Variants in ACAD10 observed in about 807,000 individuals in gnomAD.
ACAD10 encodes acyl-CoA dehydrogenase family member 10, also known as ACAD-10.
A neutral mutation model predicts 116.8 loss-of-function variants in ACAD10; 112 were observed. That is an observed-to-expected ratio of 0.96 (90% CI 0.82 to 1.12). The LOEUF is 1.12. Ranked by LOEUF, ACAD10 falls within the 50% of genes most tolerant of loss-of-function variation. The probability of loss-of-function intolerance (pLI) is 0.00; values close to 1 mark genes in which losing one functional copy is unlikely to be tolerated. For synonymous variants in ACAD10, 486 were observed against 510.6 expected (o/e 0.95, Z 0.65); for missense variants, 1,259 against 1,350.2 (o/e 0.93, Z 1.06).
At chr12:111,686,931 T>A (rs1373516292) in intron 1 of ACAD10, among the ~76,000 whole-genome samples, 1 of 152,218 alleles carries the variant, frequency 6.6e-6, no homozygotes, top group African/African-American at 2.4e-5. Context: ...CTTGAACTAG[T>A]ATAGTCATTG....
intron 19 of ACAD10, among the ~76,000 whole-genome samples, chr12:111,754,416 G>T (rs1890152149): frequency 6.6e-6 from 1 of 152,174 alleles, no homozygotes; most frequent in South Asian, 2.1e-4. Context: ...CTCCCAAGTA[G>T]CTGGGACTCC....
chr12:111,711,734 G>A (rs1266907519), intron 5 of ACAD10, among the ~76,000 whole-genome samples: 4 of 151,616 alleles, frequency 2.6e-5, no homozygotes, highest in Non-Finnish European at 5.9e-5. Context: ...GGATGATCTC[G>A]ATCTCCTGGC....
rs1889955203 is a variant in ACAD10 at position 111,747,737 on chromosome 12, C to T, written c.2485+352C>T. ...GGCTCCTCGATCAGGTGTGTTACAT[C>T]CTAAGGGCTAATGACAATCCTGACT... On this transcript the variant is annotated intron_variant, in intron 16 of 20. Coordinates refer to ENST00000313698, the MANE Select transcript of ACAD10 (RefSeq NM_025247.6). The T allele has an allele frequency of 1.0e-5, 11 of 1,101,344 alleles. No individual in the cohort carries two copies. In the South Asian group the frequency reaches 2.5e-4, roughly 25 times the overall value. 68.2% of individuals were successfully genotyped at this position (1,101,344 alleles called of 1,614,324 possible).
intron 20 of ACAD10, 141 bp from the exon 21 acceptor site, chr12:111,756,192 T>C (rs1364232420): frequency 7.0e-6 from 10 of 1,434,756 alleles, no homozygotes; most frequent in Non-Finnish European, 9.1e-6. Flanking sequence ...CTCTGGAATA[T>C]TAGTGATTGT....
At chr12:111,753,395 AGT>A (rs1452666054) in intron 18 of ACAD10, 4 of 431,732 alleles carry the variant, frequency 9.3e-6, no homozygotes, top group Non-Finnish European at 1.8e-5. Context: ...CAGTGCCTGC[AGT>A]CACTCCCTCA....
intron 12 of ACAD10, among the ~76,000 whole-genome samples, chr12:111,740,522 G>T (rs940616212): frequency 6.7e-6 from 1 of 148,388 alleles, no homozygotes; most frequent in African/African-American, 2.5e-5. Flanking sequence ...CACTTTGAGA[G>T]GCCGAGGCGG....
At chr12:111,719,865 C>A (rs1888967458) in intron 7 of ACAD10, among the ~76,000 whole-genome samples, 1 of 152,030 alleles carries the variant, frequency 6.6e-6, no homozygotes, top group Admixed American at 6.6e-5. Flanking sequence ...GTAGATGGGA[C>A]TACAGGTGCC....
intron 8 of ACAD10, among the ~76,000 whole-genome samples, chr12:111,724,086 G>C (rs1397370037): frequency 1.3e-5 from 2 of 150,754 alleles, no homozygotes; most frequent in Non-Finnish European, 2.9e-5. Flanking sequence ...GGGAAGAGGT[G>C]CTCCTCACTT....
chr12:111,748,547 G>T, intron 17 of ACAD10, 72 bp downstream of exon 17: 1 of 1,569,332 alleles, frequency 6.4e-7, no homozygotes, highest in Non-Finnish European at 8.7e-7. Flanking sequence ...AGGGGCCCCT[G>T]CTCTTGTTCA....
rs751565078 is a variant in ACAD10, at chr12:111,744,697, C to G, written c.1769C>G (p.Ser590Cys). The G allele has an allele frequency of 1.2e-6, 2 of 1,614,214 alleles. No homozygotes were observed. Among genetic ancestry groups the G allele is most frequent in the South Asian group, 2.2e-5 (2 of 91,088 alleles). ...ACTGGAAAGCTGACCGAATTTGTGT[C>G]TAACCTGGCGTGGGATTTCGCAGTC... is the stretch of plus-strand genomic sequence containing the variant. ...EQTGKLTEFVSNLAWDFAVKE... is the reference protein window; with the variant it reads ...EQTGKLTEFVCNLAWDFAVKE... The change falls in exon 13 of 21, where the codon TCT becomes TGT. Residue 590 changes from serine to cysteine, a missense_variant. Physicochemically the swap from Ser to Cys is moderately radical, Grantham distance 112. Transcript: ENST00000313698.
chr12:111,695,213 C>T (rs1457583313), intron 2 of ACAD10, among the ~76,000 whole-genome samples: 2 of 152,196 alleles, frequency 1.3e-5, no homozygotes, highest in Admixed American at 6.5e-5. Context: ...ATGCCAGGCA[C>T]ATTTGCATGT....
intron 18 of ACAD10, 108 bp downstream of exon 18, chr12:111,749,453 G>A (rs1363136501): frequency 7.2e-7 from 1 of 1,382,626 alleles, no homozygotes; most frequent in Non-Finnish European, 9.7e-7. Context: ...AGCAGGTGAA[G>A]CAAGGTGATG....
chr12:111,709,209 C>T (rs111514022), intron 4 of ACAD10, among the ~76,000 whole-genome samples: 15 of 152,224 alleles, frequency 9.9e-5, no homozygotes, highest in African/African-American at 3.1e-4. Flanking sequence ...AAGATAGGTA[C>T]GATGACTATT....
rs1888564788 is a variant in ACAD10 at position 111,708,080 on chromosome 12, AG to A, written c.532-1445del. ...CTTCCCCTCCATCTTCCTGGGATAG[AG>A]CCTTGATAAATAAAATCATTTTTAT... On this transcript the variant is annotated intron_variant, in intron 4 of 20. Transcript: ENST00000313698. Among the ~76,000 whole-genome samples, 3 of 152,200 alleles carry A rather than the reference AG, an allele frequency of 2.0e-5. No homozygotes were observed. The South Asian group carries it at 6.2e-4, about 32-fold the overall frequency.
intron 19 of ACAD10, among the ~76,000 whole-genome samples, chr12:111,754,363 G>A (rs868767333): frequency 1.2e-4 from 18 of 152,170 alleles, no homozygotes; most frequent in African/African-American, 3.6e-4. Flanking sequence ...TCTGTAGCCA[G>A]GCTAGAATGC....
chr12:111,718,141 C>T (rs1888904024), intron 7 of ACAD10, among the ~76,000 whole-genome samples: 1 of 145,068 alleles, frequency 6.9e-6, no homozygotes, highest in Admixed American at 7.2e-5. Context: ...CCTCCATCTC[C>T]CAGGTCCAAG....
At chr12:111,707,607 A>G (rs796255284) in intron 4 of ACAD10, among the ~76,000 whole-genome samples, 9 of 152,302 alleles carry the variant, frequency 5.9e-5, no homozygotes, top group African/African-American at 2.2e-4. Context: ...AGTGAGAGTC[A>G]TGGTAGCCTC....
At chr12:111,754,319 TTTTA>T (rs1172428457) in intron 19 of ACAD10, among the ~76,000 whole-genome samples, 1 of 152,182 alleles carries the variant, frequency 6.6e-6, no homozygotes, top group Non-Finnish European at 1.5e-5. Flanking sequence ...CTTTTTAACC[TTTTA>T]TTTATTTATT....
In ACAD10 at chr12:111,749,202, G is replaced by C; in HGVS notation, c.2674G>C (p.Val892Leu). The change falls in exon 18 of 21, where the codon GTG becomes CTG. Residue 892 changes from valine (V) to leucine (L), a missense_variant. Coordinates refer to ENST00000313698, the MANE Select transcript of ACAD10 (RefSeq NM_025247.6). Reference sequence around the variant, plus strand: ...CCATGGTGAAGTCCGATTTGAGCACGTGCGTGTGCCCAAAGAGAACATGGT... The same window carrying C: ...CCATGGTGAAGTCCGATTTGAGCACCTGCGTGTGCCCAAAGAGAACATGGT... ...GGHGEVRFEH[V>L]RVPKENMVLG... 2 of 1,613,808 alleles carry C rather than the reference G, an allele frequency of 1.2e-6. No individual in the cohort carries two copies. Among genetic ancestry groups the C allele is most frequent in the South Asian group, 1.1e-5 (1 of 91,078 alleles).
Sources: allele counts gnomAD v4.1 joint callset (sites outside exome capture counted in the v4.1 genomes callset), GRCh38; gene constraint gnomAD v4.1.1; transcripts MANE v1.5; gene names NCBI Gene and HGNC (gene_info 2026-07-23, HGNC 2026-07-21).